Variants in KLHL1 observed in about 807,000 individuals in gnomAD.
KLHL1 encodes kelch like family member 1.
Under a neutral mutation model 77.7 loss-of-function variants are expected in KLHL1, and 47 were observed. The observed-to-expected ratio is 0.60, with a 90% CI of 0.48 to 0.77. The LOEUF (loss-of-function observed/expected upper bound fraction) is 0.77. Ranked by LOEUF, KLHL1 falls within the 30% of genes least tolerant of loss-of-function variation. The probability of loss-of-function intolerance (pLI) is 0.00; values close to 1 mark genes in which losing one functional copy is unlikely to be tolerated. For missense variants in KLHL1, 925 were observed against 910.8 expected (o/e 1.02, Z -0.20); for synonymous variants, 360 against 325.2 (o/e 1.11, Z -1.15).
At chr13:69,936,656 A>AT (rs958196364) in intron 4 of KLHL1, among the ~76,000 whole-genome samples, 4 of 151,976 alleles carry the variant, frequency 2.6e-5, no homozygotes, top group East Asian at 3.9e-4. Flanking sequence ...CATGTTTTGA[A>AT]TTTTTTTTAA....
chr13:69,787,971 CAGTT>C (rs1365732129), intron 7 of KLHL1, among the ~76,000 whole-genome samples: 5 of 152,326 alleles, frequency 3.3e-5, no homozygotes, highest in South Asian at 2.1e-4. Flanking sequence ...CATCTCACAC[CAGTT>C]AGTTAGAATG....
intron 5 of KLHL1, among the ~76,000 whole-genome samples, chr13:69,879,999 T>C (rs1048493146): frequency 2.6e-5 from 4 of 152,216 alleles, no homozygotes; most frequent in Non-Finnish European, 5.9e-5. Flanking sequence ...TCAGTGTCTT[T>C]AAAAGAACCT....
At chr13:69,893,415 T>C (rs967936254) in intron 4 of KLHL1, among the ~76,000 whole-genome samples, 2 of 151,948 alleles carry the variant, frequency 1.3e-5, no homozygotes, top group Non-Finnish European at 2.9e-5. Flanking sequence ...TTTGTATTTT[T>C]AGTAGAGACG....
chr13:69,947,679 T>C (rs1040422648), intron 3 of KLHL1, among the ~76,000 whole-genome samples: 13 of 152,162 alleles, frequency 8.5e-5, no homozygotes, highest in Admixed American at 7.2e-4. Context: ...TATTTTATTT[T>C]CTAAAACTTG....
chr13:69,823,392 G>A (rs1169241243), intron 6 of KLHL1, among the ~76,000 whole-genome samples: 1 of 151,872 alleles, frequency 6.6e-6, no homozygotes, highest in Non-Finnish European at 1.5e-5. Flanking sequence ...TGCACCCAAA[G>A]GTATTTGGGG....
intron 1 of KLHL1, among the ~76,000 whole-genome samples, chr13:69,982,947 T>C (rs1189966860): frequency 6.6e-6 from 1 of 152,154 alleles, no homozygotes; most frequent in Non-Finnish European, 1.5e-5. Flanking sequence ...GATATGATTT[T>C]ATATGTAGAA....
chr13:70,024,620 TTCTCTCTCTCTCTCTCTCTCTCTCTC>T (rs5804459), intron 1 of KLHL1, among the ~76,000 whole-genome samples: 1 of 130,288 alleles, frequency 7.7e-6, no homozygotes, highest in African/African-American at 2.6e-5. Context: ...GAGAAAAGAT[TTCTCTCTCTCTCTCTCTCTCTCTCTC>T]TCTCTCTCTC....
chr13:69,970,777 C>T (rs1884360488), intron 2 of KLHL1, among the ~76,000 whole-genome samples: 1 of 152,078 alleles, frequency 6.6e-6, no homozygotes, highest in African/African-American at 2.4e-5. Flanking sequence ...TTGATTTGTT[C>T]CTTCCTCTGC....
intron 5 of KLHL1, among the ~76,000 whole-genome samples, chr13:69,841,076 C>T (rs923852897): frequency 1.3e-5 from 2 of 151,792 alleles, no homozygotes; most frequent in African/African-American, 4.8e-5. Flanking sequence ...AGATACTATT[C>T]TTTCATTTGG....
intron 10 of KLHL1, among the ~76,000 whole-genome samples, chr13:69,704,056 C>T (rs56368243): frequency 8.6e-5 from 13 of 151,780 alleles, no homozygotes; most frequent in African/African-American, 3.1e-4. Flanking sequence ...GATGTCCATT[C>T]AATACTCAGT....
At chr13:69,793,394 CTT>C (rs1876957919) in intron 7 of KLHL1, among the ~76,000 whole-genome samples, 1 of 151,844 alleles carries the variant, frequency 6.6e-6, no homozygotes, top group African/African-American at 2.4e-5. Flanking sequence ...TTATATGTAA[CTT>C]TATCCAGCAG....
intron 5 of KLHL1, among the ~76,000 whole-genome samples, chr13:69,853,623 A>G (rs1012537792): frequency 2.6e-5 from 4 of 151,978 alleles, no homozygotes; most frequent in East Asian, 1.9e-4. Context: ...GTGTAGATAC[A>G]TACTGGAAGA....
intron 3 of KLHL1, among the ~76,000 whole-genome samples, chr13:69,948,492 G>T (rs1279816407): frequency 1.3e-5 from 2 of 151,916 alleles, no homozygotes; most frequent in Non-Finnish European, 2.9e-5. Context: ...ATTCAAGTGG[G>T]GGACTAAACG....
intron 7 of KLHL1, among the ~76,000 whole-genome samples, chr13:69,793,733 T>C (rs1876975624): frequency 6.6e-6 from 1 of 152,112 alleles, no homozygotes; most frequent in Non-Finnish European, 1.5e-5. Context: ...AGTAGAAAAC[T>C]AGCACAAACT....
In KLHL1 at chr13:69,981,751, C is replaced by A. The variant is rs138599444; in HGVS notation, c.498-5949G>T. ...CACATTATTTTAAACAACATATAGT[C>A]ATTTTTACAAAAAAATTCAAAGTTC... is the stretch of plus-strand genomic sequence containing the variant. On this transcript the variant is annotated intron_variant, in intron 1 of 10. Transcript: ENST00000377844. 5.1e-4 allele frequency among the ~76,000 whole-genome samples: 77 copies of A among 151,252 alleles called. 2 individuals carry two copies. The East Asian group carries it at 0.012, about 23-fold the overall frequency.
intron 1 of KLHL1, among the ~76,000 whole-genome samples, chr13:70,087,973 G>C (rs1040264850): frequency 6.6e-6 from 1 of 152,056 alleles, no homozygotes; most frequent in Non-Finnish European, 1.5e-5. Context: ...GCATGTGGGG[G>C]CTTCATATCT....
chr13:69,824,963 T>C, intron 6 of KLHL1, among the ~76,000 whole-genome samples: 1 of 152,134 alleles, frequency 6.6e-6, no homozygotes, highest in East Asian at 1.9e-4. Context: ...CAAATGTGTT[T>C]AGGATCAAGT....
At chr13:70,007,339 A>G (rs1169828561) in intron 1 of KLHL1, among the ~76,000 whole-genome samples, 1 of 151,964 alleles carries the variant, frequency 6.6e-6, no homozygotes, top group African/African-American at 2.4e-5. Context: ...TTTCCCAGCA[A>G]TTGCTCATAC....
intron 5 of KLHL1, among the ~76,000 whole-genome samples, chr13:69,855,367 G>C (rs1298415234): frequency 8.7e-5 from 12 of 137,788 alleles, no homozygotes; most frequent in African/African-American, 3.3e-4. Context: ...TAGATACATA[G>C]AGAGATAGAT....
Sources: gnomAD v4.1 joint callset for allele counts (sites outside exome capture counted in the v4.1 genomes callset) on GRCh38, gnomAD v4.1.1 for gene constraint, MANE v1.5 for transcripts, NCBI Gene and HGNC (gene_info 2026-07-23, HGNC 2026-07-21) for gene names.